DTNB: variants seen among roughly 807,000 people sequenced by gnomAD.
DTNB encodes the protein dystrobrevin beta, also known as DTN-B.
A neutral mutation model predicts 90.7 loss-of-function variants in DTNB; 63 were observed. The observed-to-expected ratio is 0.69, with a 90% confidence interval of 0.57 to 0.86. The LOEUF (loss-of-function observed/expected upper bound fraction) is 0.86, where lower values mean the gene tolerates loss of function less well. DTNB is among the 40% of genes least tolerant of loss of function. The pLI is 0.00. For missense variants in DTNB, 744 were observed against 807.1 expected (o/e 0.92, Z 0.95); for synonymous variants, 277 against 286.7 (o/e 0.97, Z 0.34).
At chr2:25,503,053 C>CAAAAAAAAAAAAAAAAAAAA (rs58871909) in intron 9 of DTNB, among the ~76,000 whole-genome samples, 1 of 15,332 alleles carries the variant, frequency 6.5e-5, no homozygotes, top group Non-Finnish European at 1.3e-4. Context: ...GACCCTATCT[C>CAAAAAAAAAAAAAAAAAAAA]AAAAAAAAAA....
chr2:25,460,582 T>C (rs1203119211), intron 10 of DTNB, among the ~76,000 whole-genome samples: 4 of 152,036 alleles, frequency 2.6e-5, no homozygotes, highest in Non-Finnish European at 5.9e-5. Context: ...GAGAGCATGA[T>C]ATCCGGAGGC....
intron 10 of DTNB, among the ~76,000 whole-genome samples, chr2:25,458,264 AAC>A (rs1319007773): frequency 6.6e-6 from 1 of 152,160 alleles, no homozygotes; most frequent in East Asian, 1.9e-4. Flanking sequence ...TAACTACAAA[AAC>A]AGTTTGTGTA....
intron 8 of DTNB, among the ~76,000 whole-genome samples, chr2:25,574,783 T>C (rs2060406112): frequency 1.3e-5 from 2 of 152,272 alleles, no homozygotes; most frequent in Non-Finnish European, 2.9e-5. Flanking sequence ...AGGATAACAA[T>C]GCTTATTTTT....
intron 1 of DTNB, among the ~76,000 whole-genome samples, chr2:25,671,277 G>A (rs1321344981): frequency 2.0e-5 from 3 of 152,106 alleles, no homozygotes; most frequent in Non-Finnish European, 4.4e-5. Context: ...GCTAATGGGG[G>A]GACTACTGTA....
intron 12 of DTNB, among the ~76,000 whole-genome samples, chr2:25,435,906 A>G (rs183161750): frequency 6.6e-6 from 1 of 152,320 alleles, no homozygotes; most frequent in East Asian, 1.9e-4. Context: ...TTGTAAGGCA[A>G]TTCGTATTTC....
chr2:25,427,486 G>A, intron 15 of DTNB, 49 bp downstream of exon 15: 1 of 1,578,580 alleles, frequency 6.3e-7, no homozygotes, highest in South Asian at 1.1e-5. Context: ...AGCTGAGGCT[G>A]TGGTGGGAGA....
intron 1 of DTNB, among the ~76,000 whole-genome samples, chr2:25,655,545 T>C (rs1308075135): frequency 6.6e-6 from 1 of 152,212 alleles, no homozygotes; most frequent in Admixed American, 6.5e-5. Context: ...GAAACGTCTG[T>C]TGATATGGGC....
In DTNB at chr2:25,566,278, A is replaced by C. The variant is rs542405218; in HGVS notation, c.876+10560T>G. ...CCAGCAGGAAAATGGGGACCTCAGC[A>C]CCACAGGTGCAACTAAACAAATTGT... On this transcript the variant is annotated intron_variant, in intron 8 of 20. Transcript: ENST00000406818. Among the ~76,000 whole-genome samples the C allele has an allele frequency of 2.0e-5, 3 of 152,300 alleles. No individual in the cohort carries two copies. The South Asian group carries it at 6.2e-4, about 32-fold the overall frequency.
At chr2:25,608,141 T>A (rs927126830) in intron 4 of DTNB, among the ~76,000 whole-genome samples, 2 of 152,264 alleles carry the variant, frequency 1.3e-5, no homozygotes, top group East Asian at 3.8e-4. Context: ...ATGTGCTTTT[T>A]GTGTTAATTT....
Position 25,388,386 on chromosome 2 carries a change from C to G in DTNB, c.1576-25G>C. On this transcript the variant is annotated intron_variant, in intron 16 of 20. Transcript: ENST00000406818. ...CCTGGAGATTCAAAGACAGAAAATA[C>G]GTTATCTCAAGTACCTGACCTCTTT... 3 of 1,583,776 alleles carry G rather than the reference C, an allele frequency of 1.9e-6. 1 individual carries two copies. The South Asian group carries it at 3.4e-5, about 18-fold the overall frequency.
chr2:25,591,287 G>A (rs1261077809), intron 6 of DTNB, among the ~76,000 whole-genome samples: 6 of 152,190 alleles, frequency 3.9e-5, no homozygotes, highest in African/African-American at 9.7e-5. Flanking sequence ...CAGGGAAGGC[G>A]AAGCTCCCAC....
intron 12 of DTNB, among the ~76,000 whole-genome samples, chr2:25,447,002 T>C (rs887709104): frequency 6.6e-6 from 1 of 152,248 alleles, no homozygotes; most frequent in African/African-American, 2.4e-5. Flanking sequence ...TAATCTGACA[T>C]TTAACCCATC....
intron 9 of DTNB, among the ~76,000 whole-genome samples, chr2:25,507,407 G>A (rs1453996946): frequency 6.6e-6 from 1 of 152,040 alleles, no homozygotes; most frequent in African/African-American, 2.4e-5. Flanking sequence ...ATGTCAAAAA[G>A]GACTCAACAC....
chr2:25,562,684 A>T (rs895961333), intron 8 of DTNB, among the ~76,000 whole-genome samples: 1 of 152,110 alleles, frequency 6.6e-6, no homozygotes, highest in African/African-American at 2.4e-5. Context: ...ATTATGTTAA[A>T]CATCTTTTCA....
At chr2:25,444,835 G>C (rs974005431) in intron 12 of DTNB, among the ~76,000 whole-genome samples, 5 of 152,180 alleles carry the variant, frequency 3.3e-5, no homozygotes, top group African/African-American at 1.2e-4. Flanking sequence ...CAAAGCACTT[G>C]TATCAATGTG....
intron 8 of DTNB, among the ~76,000 whole-genome samples, chr2:25,540,604 G>A (rs1207627217): frequency 1.3e-5 from 2 of 152,116 alleles, no homozygotes; most frequent in African/African-American, 2.4e-5. Flanking sequence ...TAGAAAAGGG[G>A]GAAAGGTGGG....
intron 6 of DTNB, among the ~76,000 whole-genome samples, chr2:25,582,677 C>T (rs1167276975): frequency 6.6e-6 from 1 of 152,022 alleles, no homozygotes; most frequent in African/African-American, 2.4e-5. Context: ...GAATGATTGG[C>T]GGTATGGAGC....
chr2:25,468,505 C>A (rs1323537128), intron 10 of DTNB, among the ~76,000 whole-genome samples: 1 of 152,146 alleles, frequency 6.6e-6, no homozygotes, highest in East Asian at 1.9e-4. Context: ...CGACCGAGGG[C>A]CAAAGCGCAA....
At chr2:25,524,879 TC>T (rs2076801101) in intron 9 of DTNB, among the ~76,000 whole-genome samples, 1 of 152,198 alleles carries the variant, frequency 6.6e-6, no homozygotes, top group Admixed American at 6.5e-5. Flanking sequence ...TGGTGGTTAA[TC>T]TGCTACTATA....
Sources: allele counts gnomAD v4.1 joint callset (sites outside exome capture counted in the v4.1 genomes callset), GRCh38; gene constraint gnomAD v4.1.1; transcripts MANE v1.5; gene names NCBI Gene and HGNC (gene_info 2026-07-23, HGNC 2026-07-21).